NKAIN3: variants seen among roughly 807,000 people sequenced by gnomAD.
NKAIN3 encodes sodium/potassium-transporting ATPase subunit beta-1-interacting protein 3.
NKAIN3 carries 25 observed loss-of-function variants against 30.2 expected under a neutral mutation model. The observed-to-expected ratio is 0.83, with a 90% CI of 0.60 to 1.16. The LOEUF is 1.16. NKAIN3 is among the 50% of genes most tolerant of loss of function. The probability of loss-of-function intolerance (pLI) is 0.00; values close to 1 mark genes in which losing one functional copy is unlikely to be tolerated. For synonymous variants in NKAIN3, 91 were observed against 89.6 expected, an observed-to-expected ratio of 1.02 and a Z score of -0.09; for missense variants, 225 against 254.1, an observed-to-expected ratio of 0.89 and a Z score of 0.78.
chr8:62,891,118 T>G (rs1275443135), intron 4 of NKAIN3, among the ~76,000 whole-genome samples: 1 of 152,158 alleles, frequency 6.6e-6, no homozygotes, highest in African/African-American at 2.4e-5. Context: ...GTGAGGGTGT[T>G]GCCAAGGGAC....
chr8:62,893,472 T>C (rs2130827620), intron 4 of NKAIN3, among the ~76,000 whole-genome samples: 1 of 152,338 alleles, frequency 6.6e-6, no homozygotes, highest in African/African-American at 2.4e-5. Context: ...CATCATAACA[T>C]TTTAAGGAAA....
chr8:62,921,177 T>C (rs1319048767), intron 5 of NKAIN3, among the ~76,000 whole-genome samples: 1 of 152,162 alleles, frequency 6.6e-6, no homozygotes, highest in Non-Finnish European at 1.5e-5. Context: ...ACACATAAAA[T>C]AAGTAAACAA....
chr8:62,575,548 T>A (rs1386204108), intron 1 of NKAIN3, among the ~76,000 whole-genome samples: 1 of 152,076 alleles, frequency 6.6e-6, no homozygotes, highest in African/African-American at 2.4e-5. Context: ...CCCAAGGCAA[T>A]CCACAGATCT....
intron 3 of NKAIN3, among the ~76,000 whole-genome samples, chr8:62,719,970 G>C (rs1305347608): frequency 6.6e-6 from 1 of 151,888 alleles, no homozygotes; most frequent in African/African-American, 2.4e-5. Flanking sequence ...TGTTAGACAG[G>C]ATGGTCTTGA....
At chr8:62,317,744 T>A (rs956541596) in intron 1 of NKAIN3, among the ~76,000 whole-genome samples, 1 of 152,238 alleles carries the variant, frequency 6.6e-6, no homozygotes, top group Non-Finnish European at 1.5e-5. Flanking sequence ...GGCTTAGGAT[T>A]GACTTGGCAA....
At chr8:62,357,748 C>A (rs1816405421) in intron 1 of NKAIN3, among the ~76,000 whole-genome samples, 1 of 152,128 alleles carries the variant, frequency 6.6e-6, no homozygotes, top group African/African-American at 2.4e-5. Context: ...CCCCCAACCC[C>A]AAGTGCTCGT....
intron 1 of NKAIN3, among the ~76,000 whole-genome samples, chr8:62,521,029 G>A (rs1248627578): frequency 1.3e-5 from 2 of 151,580 alleles, no homozygotes; most frequent in African/African-American, 4.8e-5. Context: ...CAGATAAATG[G>A]ATTTCAGCTC....
chr8:62,825,743 T>A (rs1798947714), intron 4 of NKAIN3, among the ~76,000 whole-genome samples: 1 of 152,130 alleles, frequency 6.6e-6, no homozygotes, highest in South Asian at 2.1e-4. Context: ...CCAGATAATC[T>A]TCAGTGCAGC....
intron 5 of NKAIN3, among the ~76,000 whole-genome samples, chr8:62,924,336 C>A (rs893901105): frequency 2.6e-5 from 4 of 152,220 alleles, no homozygotes; most frequent in African/African-American, 9.6e-5. Flanking sequence ...TTTCACTGCA[C>A]ACTGTGCTTT....
chr8:62,901,986 C>A (rs531948813), intron 4 of NKAIN3, among the ~76,000 whole-genome samples: 1 of 152,284 alleles, frequency 6.6e-6, no homozygotes, highest in East Asian at 1.9e-4. Context: ...CAGTGAGAAG[C>A]AGACAGGCAG....
At chr8:62,773,016 G>A (rs1317792929) in intron 4 of NKAIN3, among the ~76,000 whole-genome samples, 1 of 151,912 alleles carries the variant, frequency 6.6e-6, no homozygotes, top group Non-Finnish European at 1.5e-5. Context: ...TGTCTGAGCT[G>A]CTTGTTTATT....
chr8:62,371,696 T>A (rs1274370685), intron 1 of NKAIN3, among the ~76,000 whole-genome samples: 1 of 152,018 alleles, frequency 6.6e-6, no homozygotes, highest in Non-Finnish European at 1.5e-5. Flanking sequence ...ATTTATTTAA[T>A]ACACTTTAAA....
chr8:62,939,641 A>T (rs1295644539), intron 5 of NKAIN3, among the ~76,000 whole-genome samples: 4 of 152,196 alleles, frequency 2.6e-5, no homozygotes, highest in African/African-American at 4.8e-5. Flanking sequence ...AGAATTTTGT[A>T]TCCAACAAAA....
chr8:62,797,104 G>A lies in NKAIN3; in HGVS notation c.471+49975G>A, dbSNP rs941621374. Among the ~76,000 whole-genome samples the A allele has an allele frequency of 7.0e-4, 107 of 152,268 alleles. 1 individual carries two copies. The highest frequency in any genetic ancestry group is 2.5e-3 in the African/African-American group (105 of 41,560). Reference sequence around the variant, plus strand: ...ACTTGATCTTTATTCTCTGTAAAAAGCAGAATTTCTTTGTTTCCGAGAAGG... The same window carrying A: ...ACTTGATCTTTATTCTCTGTAAAAAACAGAATTTCTTTGTTTCCGAGAAGG... On this transcript the variant is annotated intron_variant, in intron 4 of 6. Transcript: ENST00000623646.
intron 6 of NKAIN3, among the ~76,000 whole-genome samples, chr8:62,963,052 T>C (rs909596282): frequency 1.1e-4 from 16 of 152,034 alleles, no homozygotes; most frequent in Admixed American, 1.0e-3. Context: ...CTACCACGCC[T>C]GGCTAATTTT....
At chr8:62,427,054 T>G (rs548028616) in intron 1 of NKAIN3, among the ~76,000 whole-genome samples, 13 of 152,152 alleles carry the variant, frequency 8.5e-5, no homozygotes, top group African/African-American at 3.1e-4. Context: ...GCAGTGTTAC[T>G]GTCAATCAAA....
At chr8:62,670,879 G>GCGCACA (rs765966259) in intron 3 of NKAIN3, among the ~76,000 whole-genome samples, 4 of 141,986 alleles carry the variant, frequency 2.8e-5, no homozygotes, top group Admixed American at 7.1e-5. Context: ...ACACATACAA[G>GCGCACA]CACACACACA....
chr8:62,746,667 T>C (rs1263402077), intron 3 of NKAIN3, among the ~76,000 whole-genome samples: 2 of 152,206 alleles, frequency 1.3e-5, no homozygotes, highest in African/African-American at 4.8e-5. Context: ...ATATGGAAGA[T>C]CTCATGTCTG....
chr8:62,500,353 A>G (rs370868744), intron 1 of NKAIN3, among the ~76,000 whole-genome samples: 1 of 151,918 alleles, frequency 6.6e-6, no homozygotes, highest in Non-Finnish European at 1.5e-5. Flanking sequence ...AAGGAAAAAC[A>G]CTCAATGGGT....
Sources: gnomAD v4.1 joint callset for allele counts (sites outside exome capture counted in the v4.1 genomes callset) on GRCh38, gnomAD v4.1.1 for gene constraint, MANE v1.5 for transcripts, NCBI Gene and HGNC (gene_info 2026-07-23, HGNC 2026-07-21) for gene names.